Variants in ZNF728 observed in about 807,000 individuals in gnomAD.
The protein encoded by ZNF728 is zinc finger protein 728.
ZNF728 carries 12 observed loss-of-function variants against 12.5 expected under a neutral mutation model. The observed-to-expected ratio is 0.96, with a 90% CI of 0.61 to 1.55. ZNF728 has a LOEUF of 1.55. ZNF728 is among the 40% of genes most tolerant of loss of function. The pLI, the probability that ZNF728 is intolerant of heterozygous loss-of-function variation, is 0.00. For synonymous variants in ZNF728, 205 were observed against 240.7 expected, an observed-to-expected ratio of 0.85 and a Z score of 1.37; for missense variants, 692 against 719.2, an observed-to-expected ratio of 0.96 and a Z score of 0.43.
chr19:22,988,228 T>C, intron 2 of ZNF728, 97 bp downstream of exon 2: 1 of 1,590,952 alleles, frequency 6.3e-7, no homozygotes, highest in Non-Finnish European at 8.5e-7. Context: ...TCTGCCTTTA[T>C]TCCTGCATTC....
intron 1 of ZNF728, among the ~76,000 whole-genome samples, chr19:22,989,705 G>T (rs564402127): frequency 1.3e-5 from 2 of 152,284 alleles, no homozygotes; most frequent in South Asian, 4.1e-4. Flanking sequence ...GAAAGTTCAA[G>T]ATACAGATAT....
At position 22,975,306 on chromosome 19, in the gene ZNF728, T is replaced by C. The variant is rs1968780856; in HGVS notation, c.*162A>G. On this transcript the variant is annotated 3_prime_UTR_variant, in exon 4 of 4. Coordinates refer to ENST00000594710, the MANE Select transcript of ZNF728 (RefSeq NM_001267716.2). Reference sequence around the variant, plus strand: ...AAAGGCTTTGCCACATTCCACACAATTGTAGGAATTCCCTCCAGTATGAAT... The same window carrying C: ...AAAGGCTTTGCCACATTCCACACAACTGTAGGAATTCCCTCCAGTATGAAT... Among the ~76,000 whole-genome samples, 2 of 152,250 alleles carry C rather than the reference T, an allele frequency of 1.3e-5. No individual in the cohort carries two copies. Among genetic ancestry groups the C allele is most frequent in the South Asian group, 2.1e-4 (1 of 4,826 alleles).
chr19:22,995,767 A>G (rs1969043209), intron 1 of ZNF728: 1 of 152,214 alleles, frequency 6.6e-6, no homozygotes, highest in Non-Finnish European at 1.5e-5. Context: ...TTTATCTTCC[A>G]TCTCTGCTGC....
rs1968813366 is a variant in ZNF728 at position 22,977,024 on chromosome 19, T to G, written c.313A>C (p.Lys105Gln). ...FQKVILRRYEKCGHENLQLKI... is the reference protein window; with the variant it reads ...FQKVILRRYEQCGHENLQLKI... ...AACTGTAAATTCTCATGTCCACATT[T>G]TTCATATCTTCTCAATATCACTTTT... The change falls in exon 4 of 4, where the codon AAA becomes CAA. Residue 105 changes from lysine to glutamine, a missense_variant. Around this residue, in one of 3 missense-constraint regions of ZNF728, gnomAD observed 440 missense variants for 459.6 expected, o/e 0.96. Coordinates refer to ENST00000594710, the MANE Select transcript of ZNF728 (RefSeq NM_001267716.2). 6.2e-7 allele frequency: 1 copy of G among 1,613,314 alleles called. No individual in the cohort carries two copies. Among genetic ancestry groups the G allele is most frequent in the Admixed American group, 1.7e-5 (1 of 59,876 alleles).
intron 2 of ZNF728, 54 bp from the exon 3 acceptor site, chr19:22,987,457 A>G: frequency 6.6e-7 from 1 of 1,510,204 alleles, no homozygotes; most frequent in Non-Finnish European, 8.9e-7. Flanking sequence ...CCAATTAACA[A>G]CTTAGTAATG....
rs1377872880 is a variant in ZNF728, at chr19:22,975,421, T to C, written c.*47A>G. On this transcript the variant is annotated 3_prime_UTR_variant, in exon 4 of 4. Coordinates refer to ENST00000594710, the MANE Select transcript of ZNF728 (RefSeq NM_001267716.2). Reference sequence around the variant, plus strand: ...GGTTTCCCTCCTGTATAAATACCCTTATGTTCAGTAAGGGTTAAGAACTAA... The same window carrying C: ...GGTTTCCCTCCTGTATAAATACCCTCATGTTCAGTAAGGGTTAAGAACTAA... 1.1e-5 allele frequency: 17 copies of C among 1,480,158 alleles called. No individual in the cohort carries two copies. Among genetic ancestry groups the C allele is most frequent in the Non-Finnish European group, 1.4e-5 (16 of 1,106,466 alleles). The allele number at this position is 1,480,158 out of a possible 1,614,324, so 91.7% of individuals were successfully genotyped here.
intron 1 of ZNF728, among the ~76,000 whole-genome samples, chr19:22,989,051 CAAAAA>C (rs68080575): frequency 1.0e-4 from 5 of 50,172 alleles, no homozygotes; most frequent in East Asian, 7.9e-4. Context: ...AACTCCATCT[CAAAAA>C]AAAAAAAAAA....
intron 1 of ZNF728, among the ~76,000 whole-genome samples, chr19:23,000,391 A>T (rs745418996): frequency 1.3e-5 from 2 of 151,382 alleles, no homozygotes; most frequent in African/African-American, 4.8e-5. Flanking sequence ...AAAACAAAAA[A>T]ACAAAAAAAA....
Position 23,000,876 on chromosome 19 carries a change from A to AC in ZNF728, c.3+2151_3+2152insG, listed in dbSNP as rs1555703729. Among the ~76,000 whole-genome samples, 248 of 123,682 alleles carry AC rather than the reference A, an allele frequency of 2.0e-3. 3 individuals are homozygous for AC. The highest frequency in any genetic ancestry group is 9.4e-3 in the African/African-American group (201 of 21,450). 81.1% of individuals were successfully genotyped at this position (123,682 alleles called of 152,430 possible). A position where few individuals can be genotyped will look rare whatever the true frequency, so the allele number is the denominator to read the frequency against. On this transcript the variant is annotated intron_variant, in intron 1 of 3. Coordinates refer to ENST00000594710, the MANE Select transcript of ZNF728 (RefSeq NM_001267716.2). ...GAGGAAAACACTGTCAAAAAAAAAAAAAAAAAAAACCAAAAAAAAAAAAAC... is the reference window on the plus strand; with the variant it reads ...GAGGAAAACACTGTCAAAAAAAAAAACAAAAAAAAACCAAAAAAAAAAAAAC...
At chr19:22,978,593 A>T (rs1033897992) in intron 3 of ZNF728, among the ~76,000 whole-genome samples, 4 of 152,174 alleles carry the variant, frequency 2.6e-5, no homozygotes, top group Non-Finnish European at 5.9e-5. Flanking sequence ...GCTGACAGAC[A>T]CCTCATACAG....
Position 22,976,622 on chromosome 19 carries a change from T to C in ZNF728, c.715A>G (p.Lys239Glu), listed in dbSNP as rs765576292. 1 of 1,611,030 alleles carries C rather than the reference T, an allele frequency of 6.2e-7. No homozygotes were observed. Among genetic ancestry groups the C allele is most frequent in the Non-Finnish European group, 8.5e-7 (1 of 1,178,442 alleles). Reference sequence around the variant, plus strand: ...TTATGCTTAGTAAGGATTGAGAACTTACTAAAGGCTTTGCCACATTCTTCA... The same window carrying C: ...TTATGCTTAGTAAGGATTGAGAACTCACTAAAGGCTTTGCCACATTCTTCA... ...KCEECGKAFS[K>E]FSILTKHKVI... is the part of the protein sequence containing the mutation. Residue 239 changes from lysine to glutamate, a missense_variant, in exon 4 of 4, where the codon AAG becomes GAG. By Grantham distance (56) the Lys-to-Glu change is moderately conservative (BLOSUM62 1). Coordinates refer to ENST00000594710, the MANE Select transcript of ZNF728 (RefSeq NM_001267716.2).
At chr19:22,980,069 T>C (rs1323319798) in intron 3 of ZNF728, among the ~76,000 whole-genome samples, 11 of 151,720 alleles carry the variant, frequency 7.3e-5, no homozygotes, top group Non-Finnish European at 1.3e-4. Flanking sequence ...GACTAGCAAA[T>C]TGAATAGAGT....
At chr19:22,999,336 A>G (rs1969082569) in intron 1 of ZNF728, among the ~76,000 whole-genome samples, 1 of 152,054 alleles carries the variant, frequency 6.6e-6, no homozygotes, top group Admixed American at 6.6e-5. Context: ...TAACAATTTT[A>G]TCTTCAGTAA....
intron 2 of ZNF728, 111 bp downstream of exon 2, chr19:22,988,214 T>C: frequency 6.4e-7 from 1 of 1,572,850 alleles, no homozygotes. Flanking sequence ...AATATACTCT[T>C]TTGTCTGCCT....
At chr19:23,001,556 C>CTGAA (rs1969114193) in intron 1 of ZNF728, among the ~76,000 whole-genome samples, 1 of 152,166 alleles carries the variant, frequency 6.6e-6, no homozygotes, top group Non-Finnish European at 1.5e-5. Flanking sequence ...CCAGACAGTA[C>CTGAA]TGAATCTCAA....
chr19:22,988,581 T>C (rs1968945745), intron 1 of ZNF728, 130 bp from the exon 2 acceptor site: 1 of 1,339,446 alleles, frequency 7.5e-7, no homozygotes, highest in African/African-American at 1.5e-5. Context: ...AATCATTCAA[T>C]AAAATAGTTT....
At chr19:22,981,391 G>A (rs1968860095) in intron 3 of ZNF728, among the ~76,000 whole-genome samples, 4 of 152,106 alleles carry the variant, frequency 2.6e-5, no homozygotes, top group Admixed American at 2.6e-4. Context: ...GTAATTATTA[G>A]CCCATCAATA....
chr19:22,975,320 T>C lies in ZNF728; in HGVS notation c.*148A>G. The stretch of plus-strand genomic sequence containing the variant: ...ATTCCACACAATTGTAGGAATTCCC[T>C]CCAGTATGAATTACCTTATGTTTAG... On this transcript the variant is annotated 3_prime_UTR_variant, in exon 4 of 4. Transcript: ENST00000594710. The C allele has an allele frequency of 2.6e-6, 2 of 765,184 alleles. No individual in the cohort carries two copies. The highest frequency in any genetic ancestry group is 4.2e-6 in the Non-Finnish European group (2 of 471,094). The allele number at this position is 765,184 out of a possible 1,614,324, so 47.4% of individuals were successfully genotyped here.
At chr19:22,995,545 C>A (rs1969040341) in intron 1 of ZNF728, 1 of 151,850 alleles carries the variant, frequency 6.6e-6, no homozygotes. Flanking sequence ...TCAAGTGATT[C>A]TCCTGTCTGA....
Sources: allele counts gnomAD v4.1 joint callset (sites outside exome capture counted in the v4.1 genomes callset), GRCh38; gene constraint gnomAD v4.1.1; regional missense constraint gnomAD v4.1.1; transcripts MANE v1.5; gene names NCBI Gene and HGNC (gene_info 2026-07-23, HGNC 2026-07-21).